PTPRM: variants seen among roughly 807,000 people sequenced by gnomAD.
PTPRM encodes the protein protein tyrosine phosphatase receptor type M, also known as receptor-type tyrosine-protein phosphatase mu.
Under a neutral mutation model 186.7 loss-of-function variants are expected in PTPRM, and 47 were observed. The observed-to-expected ratio is 0.25, with a 90% CI of 0.20 to 0.32. The LOEUF is 0.32. Ranked by LOEUF, PTPRM falls within the 10% of genes least tolerant of loss-of-function variation. The pLI is 1.00. For synonymous variants in PTPRM, 668 were observed against 674.9 expected, an observed-to-expected ratio of 0.99 and a Z score of 0.16; for missense variants, 1,494 against 1,865.0, an observed-to-expected ratio of 0.80 and a Z score of 3.66.
rs1465646326 is a variant in PTPRM at position 7,669,933 on chromosome 18, A to G, written c.73+102042A>G. ...TCTTTTTTGTATTTTTAGTAGAGAA[A>G]GGGTTTCACAATATTGGCCAGGCTG... is the stretch of plus-strand genomic sequence containing the variant. On this transcript the variant is annotated intron_variant, in intron 1 of 32. Transcript: ENST00000580170. Among the ~76,000 whole-genome samples, 3 of 152,028 alleles carry G rather than the reference A, an allele frequency of 2.0e-5. No homozygotes were observed. The East Asian group carries it at 5.8e-4, about 29-fold the overall frequency.
intron 1 of PTPRM, among the ~76,000 whole-genome samples, chr18:7,714,531 A>T (rs1473404069): frequency 6.6e-6 from 1 of 152,202 alleles, no homozygotes; most frequent in Admixed American, 6.5e-5. Context: ...GTAGAACTGA[A>T]GGAGACAGAG....
intron 2 of PTPRM, among the ~76,000 whole-genome samples, chr18:7,832,012 T>G (rs1456503897): frequency 6.6e-6 from 1 of 152,220 alleles, no homozygotes; most frequent in Admixed American, 6.5e-5. Flanking sequence ...CACGTTTTCC[T>G]TATCCATCCT....
intron 2 of PTPRM, among the ~76,000 whole-genome samples, chr18:7,864,567 G>A (rs1426520425): frequency 6.6e-6 from 1 of 152,028 alleles, no homozygotes; most frequent in Non-Finnish European, 1.5e-5. Flanking sequence ...TATCTGTTTT[G>A]GTACCAGTAC....
chr18:7,919,659 T>G (rs2050752316), intron 4 of PTPRM, among the ~76,000 whole-genome samples: 3 of 152,160 alleles, frequency 2.0e-5, no homozygotes, highest in Admixed American at 1.3e-4. Flanking sequence ...TAATTTTGTA[T>G]GTACTAATGA....
chr18:7,796,480 C>A (rs2043654454), intron 2 of PTPRM, among the ~76,000 whole-genome samples: 1 of 152,238 alleles, frequency 6.6e-6, no homozygotes, highest in African/African-American at 2.4e-5. Flanking sequence ...GGAGCCAATT[C>A]ATTCTGGGAG....
chr18:7,851,642 CAA>C (rs58055625), intron 2 of PTPRM, among the ~76,000 whole-genome samples: 77,445 of 149,828 alleles, frequency 0.52, 20,358 homozygotes, highest in East Asian at 0.73. Flanking sequence ...AACAAAAAAA[CAA>C]AAAAAAAAAC....
intron 14 of PTPRM, among the ~76,000 whole-genome samples, chr18:8,233,580 T>C (rs2094312465): frequency 6.6e-6 from 1 of 152,208 alleles, no homozygotes; most frequent in African/African-American, 2.4e-5. Context: ...GGTATGTCTT[T>C]TACAAATATT....
intron 1 of PTPRM, among the ~76,000 whole-genome samples, chr18:7,664,132 C>A (rs752308904): frequency 2.0e-5 from 3 of 152,324 alleles, no homozygotes; most frequent in Middle Eastern, 3.4e-3. Flanking sequence ...GGGACAGCCG[C>A]AACATCCCAC....
chr18:7,996,798 C>T (rs1220639760), intron 7 of PTPRM, among the ~76,000 whole-genome samples: 1 of 117,622 alleles, frequency 8.5e-6, no homozygotes, highest in South Asian at 2.7e-4. Flanking sequence ...CAGTAGTTAC[C>T]AAAAAAAAAA....
At chr18:7,661,143 T>C (rs1368112957) in intron 1 of PTPRM, among the ~76,000 whole-genome samples, 1 of 152,152 alleles carries the variant, frequency 6.6e-6, no homozygotes, top group Non-Finnish European at 1.5e-5. Flanking sequence ...AAAAGATCTG[T>C]TCAATTTACA....
At chr18:7,642,892 C>G (rs765567902) in intron 1 of PTPRM, among the ~76,000 whole-genome samples, 5 of 147,562 alleles carry the variant, frequency 3.4e-5, no homozygotes, top group Non-Finnish European at 7.5e-5. Context: ...AAATTTTCAT[C>G]TTTGTGTTGT....
At chr18:8,206,199 A>G (rs2093925809) in intron 14 of PTPRM, among the ~76,000 whole-genome samples, 1 of 152,058 alleles carries the variant, frequency 6.6e-6, no homozygotes, top group Non-Finnish European at 1.5e-5. Context: ...GAGTGAGATG[A>G]GGGGGAGAGA....
intron 4 of PTPRM, among the ~76,000 whole-genome samples, chr18:7,925,742 T>C (rs1205756557): frequency 1.3e-5 from 2 of 152,196 alleles, no homozygotes; most frequent in African/African-American, 4.8e-5. Context: ...ACTCTATCAT[T>C]GTTATAATAA....
At chr18:8,183,776 A>G (rs1312404387) in intron 14 of PTPRM, among the ~76,000 whole-genome samples, 1 of 152,216 alleles carries the variant, frequency 6.6e-6, no homozygotes, top group Non-Finnish European at 1.5e-5. Context: ...AAAAATAAAC[A>G]GGTAGACAAA....
chr18:7,985,961 G>C (rs1288971071), intron 7 of PTPRM, among the ~76,000 whole-genome samples: 1 of 152,064 alleles, frequency 6.6e-6, no homozygotes, highest in African/African-American at 2.4e-5. Context: ...AGTTATTTCA[G>C]AGTCGGGATA....
intron 5 of PTPRM, among the ~76,000 whole-genome samples, chr18:7,929,819 G>A (rs1299853913): frequency 6.6e-6 from 1 of 152,064 alleles, no homozygotes; most frequent in African/African-American, 2.4e-5. Context: ...TTCTTTAGAG[G>A]TCGTGAAGAC....
At chr18:8,312,244 C>G (rs1243096259) in intron 20 of PTPRM, among the ~76,000 whole-genome samples, 2 of 151,862 alleles carry the variant, frequency 1.3e-5, no homozygotes, top group East Asian at 3.9e-4. Flanking sequence ...ACTGGCTCTC[C>G]TAAGATACAC....
intron 2 of PTPRM, among the ~76,000 whole-genome samples, chr18:7,848,688 G>A (rs559854446): frequency 2.6e-5 from 4 of 152,050 alleles, no homozygotes; most frequent in African/African-American, 9.6e-5. Flanking sequence ...GCTTGAGTCC[G>A]AGAGTTTAAG....
At chr18:8,059,522 T>G (rs1208702837) in intron 7 of PTPRM, among the ~76,000 whole-genome samples, 1 of 16,280 alleles carries the variant, frequency 6.1e-5, no homozygotes, top group South Asian at 3.0e-3. Context: ...AGGGCATCCC[T>G]GTCTTGTGCC....
Sources: allele counts gnomAD v4.1 joint callset (sites outside exome capture counted in the v4.1 genomes callset), GRCh38; gene constraint gnomAD v4.1.1; transcripts MANE v1.5; gene names NCBI Gene and HGNC (gene_info 2026-07-23, HGNC 2026-07-21).